The following DSCAM variants were observed in gnomAD, a reference collection of about 807,000 sequenced individuals.
DSCAM encodes the protein cell adhesion molecule DSCAM.
In DSCAM, 47 loss-of-function variants were observed where a neutral mutation model predicts 217.7. The ratio of observed to expected loss-of-function variants is 0.22; its 90% confidence interval spans 0.17 to 0.28. The LOEUF (loss-of-function observed/expected upper bound fraction) is 0.28. Ranked by LOEUF, DSCAM falls within the 10% of genes least tolerant of loss-of-function variation. DSCAM has a pLI of 1.00. For synonymous variants in DSCAM, 1,056 were observed against 1,015.3 expected (o/e 1.04, Z -0.76); for missense variants, 2,080 against 2,618.3 (o/e 0.79, Z 4.49).
At chr21:40,430,028 A>T (rs139798045) in intron 3 of DSCAM, among the ~76,000 whole-genome samples, 1 of 152,132 alleles carries the variant, frequency 6.6e-6, no homozygotes, top group Admixed American at 6.6e-5. Flanking sequence ...ACAAAAAATA[A>T]TTTTTCCTAA....
At chr21:40,661,740 G>C (rs2090141035) in intron 3 of DSCAM, among the ~76,000 whole-genome samples, 1 of 152,136 alleles carries the variant, frequency 6.6e-6, no homozygotes, top group African/African-American at 2.4e-5. Flanking sequence ...AGAGCAGGAG[G>C]GAGGCCATTA....
At chr21:40,798,695 A>C (rs2123489906) in intron 1 of DSCAM, among the ~76,000 whole-genome samples, 1 of 152,234 alleles carries the variant, frequency 6.6e-6, no homozygotes, top group African/African-American at 2.4e-5. Flanking sequence ...AGCAGTAAAA[A>C]AAGAATAAAA....
chr21:40,611,092 C>T (rs1259092203), intron 3 of DSCAM, among the ~76,000 whole-genome samples: 4 of 139,730 alleles, frequency 2.9e-5, no homozygotes, highest in South Asian at 2.3e-4. Context: ...GGAGACTCAC[C>T]GTGTCGTCCA....
chr21:40,382,490 T>G (rs1249305001), intron 3 of DSCAM, among the ~76,000 whole-genome samples: 1 of 152,262 alleles, frequency 6.6e-6, no homozygotes, highest in African/African-American at 2.4e-5. Context: ...CAGTTTATTT[T>G]TTTAAAACTG....
chr21:40,159,961 G>T (rs2090522135), intron 16 of DSCAM, among the ~76,000 whole-genome samples: 1 of 152,156 alleles, frequency 6.6e-6, no homozygotes, highest in Admixed American at 6.5e-5. Context: ...ACATTTATTG[G>T]GAGATATTTG....
At chr21:40,378,753 G>A (rs942812923) in intron 3 of DSCAM, among the ~76,000 whole-genome samples, 1 of 151,538 alleles carries the variant, frequency 6.6e-6, no homozygotes, top group East Asian at 2.0e-4. Flanking sequence ...TACCACGCCC[G>A]GCTAATTTTT....
chr21:40,308,031 T>C (rs1299969531), intron 9 of DSCAM, among the ~76,000 whole-genome samples: 3 of 151,784 alleles, frequency 2.0e-5, no homozygotes, highest in Non-Finnish European at 4.4e-5. Flanking sequence ...CATGTATACA[T>C]ATGTAACTAA....
At chr21:40,069,063 C>T (rs900189757) in intron 27 of DSCAM, among the ~76,000 whole-genome samples, 3 of 131,934 alleles carry the variant, frequency 2.3e-5, no homozygotes, top group Non-Finnish European at 4.8e-5. Flanking sequence ...CCAGCCTGGG[C>T]AAAAAGAGCA....
intron 32 of DSCAM, among the ~76,000 whole-genome samples, chr21:40,028,578 A>T (rs908223360): frequency 6.6e-6 from 1 of 152,096 alleles, no homozygotes; most frequent in Non-Finnish European, 1.5e-5. Context: ...CCCGTCAGAA[A>T]AGCACAGTAT....
chr21:40,393,446 C>G (rs1471678620), intron 3 of DSCAM, among the ~76,000 whole-genome samples: 1 of 152,074 alleles, frequency 6.6e-6, no homozygotes, highest in Admixed American at 6.5e-5. Flanking sequence ...AGCCACTTTA[C>G]TAAATGTATA....
chr21:40,472,106 A>G (rs1010030799), intron 3 of DSCAM, among the ~76,000 whole-genome samples: 1 of 152,196 alleles, frequency 6.6e-6, no homozygotes, highest in Non-Finnish European at 1.5e-5. Context: ...GAGATTTTCT[A>G]AACACCATGT....
At chr21:40,239,476 A>C (rs749712469) in intron 11 of DSCAM, among the ~76,000 whole-genome samples, 14 of 152,204 alleles carry the variant, frequency 9.2e-5, no homozygotes, top group Non-Finnish European at 2.1e-4. Context: ...ATGAAAGAAG[A>C]GGCTCCTTCT....
At chr21:40,379,462 A>C (rs1035967110) in intron 3 of DSCAM, among the ~76,000 whole-genome samples, 1 of 152,196 alleles carries the variant, frequency 6.6e-6, no homozygotes, top group Non-Finnish European at 1.5e-5. Context: ...CGCTACCTGG[A>C]CTTGCCTAAA....
At chr21:40,571,372 T>A (rs1407066916) in intron 3 of DSCAM, among the ~76,000 whole-genome samples, 1 of 152,196 alleles carries the variant, frequency 6.6e-6, no homozygotes, top group Non-Finnish European at 1.5e-5. Flanking sequence ...CTTGATTTGA[T>A]CTTTACACTT....
intron 21 of DSCAM, among the ~76,000 whole-genome samples, chr21:40,093,013 A>G (rs1270222515): frequency 2.0e-5 from 3 of 152,150 alleles, no homozygotes; most frequent in Non-Finnish European, 2.9e-5. Context: ...CATATTAGTA[A>G]TAAGTTGCCA....
At chr21:40,030,037 C>G (rs1379041139) in intron 32 of DSCAM, among the ~76,000 whole-genome samples, 1 of 152,256 alleles carries the variant, frequency 6.6e-6, no homozygotes, top group Admixed American at 6.5e-5. Context: ...CATTCACACA[C>G]AAGTACACAT....
intron 9 of DSCAM, among the ~76,000 whole-genome samples, chr21:40,303,090 T>A (rs1307469880): frequency 6.6e-6 from 1 of 152,142 alleles, no homozygotes; most frequent in African/African-American, 2.4e-5. Context: ...AGGGGGTGCA[T>A]GGATAAATAC....
At chr21:40,214,625 C>CT (rs2091222423) in intron 11 of DSCAM, among the ~76,000 whole-genome samples, 1 of 150,366 alleles carries the variant, frequency 6.7e-6, no homozygotes, top group African/African-American at 2.4e-5. Flanking sequence ...TGTAAGGATT[C>CT]TTATAGACTA....
At chr21:40,740,034 C>T (rs555995218) in intron 1 of DSCAM, among the ~76,000 whole-genome samples, 1 of 138,022 alleles carries the variant, frequency 7.2e-6, no homozygotes, top group African/African-American at 2.8e-5. Context: ...TAACTCCTCA[C>T]CTGGGAACAT....
Sources: gnomAD v4.1 joint callset for allele counts (sites outside exome capture counted in the v4.1 genomes callset) on GRCh38, gnomAD v4.1.1 for gene constraint, MANE v1.5 for transcripts, NCBI Gene and HGNC (gene_info 2026-07-23, HGNC 2026-07-21) for gene names.